Variants in MAP4K3 observed in about 807,000 individuals in gnomAD.
MAP4K3 encodes MAPK/ERK kinase kinase kinase 3.
A neutral mutation model predicts 143.5 loss-of-function variants in MAP4K3; 94 were observed. The observed-to-expected ratio is 0.65, with a 90% CI of 0.55 to 0.78. MAP4K3 has a LOEUF of 0.78. Among genes scored for constraint, MAP4K3 ranks in the 30% least tolerant of loss-of-function variants. The pLI is 0.00. For synonymous variants in MAP4K3, 416 were observed against 347.2 expected, an observed-to-expected ratio of 1.20 and a Z score of -2.20; for missense variants, 1,077 against 1,068.1, an observed-to-expected ratio of 1.01 and a Z score of -0.12.
At chr2:39,260,905 A>G (rs1313233957) in intron 28 of MAP4K3, 128 bp from the exon 29 acceptor site, 9 of 640,018 alleles carry the variant, frequency 1.4e-5, no homozygotes, top group Non-Finnish European at 2.4e-5. Flanking sequence ...TAATGCAGAA[A>G]AATCTAAATT....
chr2:39,286,700 T>C (rs1473091371), intron 21 of MAP4K3, 152 bp downstream of exon 21: 2 of 393,628 alleles, frequency 5.1e-6, no homozygotes, highest in Non-Finnish European at 8.8e-6. Flanking sequence ...ATTTAAATAA[T>C]CTATTCACCA....
At chr2:39,278,330 G>C (rs1374145508) in intron 24 of MAP4K3, 77 bp downstream of exon 24, 1 of 785,852 alleles carries the variant, frequency 1.3e-6, no homozygotes, top group African/African-American at 1.8e-5. Flanking sequence ...TCATGAAACT[G>C]AACCTTATTT....
chr2:39,284,835 C>G (rs1681693724), intron 21 of MAP4K3, among the ~76,000 whole-genome samples: 1 of 151,652 alleles, frequency 6.6e-6, no homozygotes, highest in Non-Finnish European at 1.5e-5. Flanking sequence ...CAGAGCGAGA[C>G]TCCATCTCAA....
chr2:39,415,902 G>A (rs1667355600), intron 1 of MAP4K3, among the ~76,000 whole-genome samples: 1 of 125,804 alleles, frequency 7.9e-6, no homozygotes, highest in Non-Finnish European at 1.6e-5. Flanking sequence ...GCAGTGAGTC[G>A]AGATCGCACC....
chr2:39,264,384 C>T (rs1479642571), intron 28 of MAP4K3, among the ~76,000 whole-genome samples: 1 of 152,062 alleles, frequency 6.6e-6, no homozygotes, highest in Non-Finnish European at 1.5e-5. Flanking sequence ...TCTGTTTAGC[C>T]CTAGTGAATC....
chr2:39,293,119 T>G (rs2148480849), intron 17 of MAP4K3, 111 bp downstream of exon 17: 1 of 827,366 alleles, frequency 1.2e-6, no homozygotes, highest in Non-Finnish European at 2.0e-6. Flanking sequence ...CCTATCTCTA[T>G]TAAAGAAAAA....
At chr2:39,314,716 T>A (rs1192709129) in intron 13 of MAP4K3, among the ~76,000 whole-genome samples, 1 of 152,234 alleles carries the variant, frequency 6.6e-6, no homozygotes. Context: ...CCCATGTGAA[T>A]GAATGGCTTG....
chr2:39,343,886 A>C (rs1356736824), intron 3 of MAP4K3, among the ~76,000 whole-genome samples: 2 of 152,194 alleles, frequency 1.3e-5, no homozygotes, highest in African/African-American at 4.8e-5. Context: ...GATTTTCCCA[A>C]AACAGTCTTA....
rs530184637 is a variant in MAP4K3, at chr2:39,402,970, T to C, written c.97-24847A>G. ...ACTTGGATGAAATGAATACATTCTT[T>C]GAAAGACACAAACTACCAAATCTCA... On this transcript the variant is annotated intron_variant, in intron 1 of 33. Coordinates refer to ENST00000263881, the MANE Select transcript of MAP4K3 (RefSeq NM_003618.4). Among the ~76,000 whole-genome samples, 149 of 152,260 alleles carry C rather than the reference T, an allele frequency of 9.8e-4. 1 individual carries two copies. Among genetic ancestry groups the C allele is most frequent in the African/African-American group, 3.3e-3 (137 of 41,548 alleles).
chr2:39,364,759 T>C (rs1292045266), intron 2 of MAP4K3, among the ~76,000 whole-genome samples: 5 of 151,780 alleles, frequency 3.3e-5, no homozygotes, highest in South Asian at 2.1e-4. Context: ...TCCCAGCTAC[T>C]TGGGAGGCTG....
chr2:39,366,088 G>A (rs1441260345), intron 2 of MAP4K3, among the ~76,000 whole-genome samples: 1 of 152,140 alleles, frequency 6.6e-6, no homozygotes, highest in African/African-American at 2.4e-5. Flanking sequence ...GATTTATTCT[G>A]AGCCAAATAT....
Position 39,272,475 on chromosome 2 carries a change from T to C in MAP4K3, c.1855+7A>G, listed in dbSNP as rs770542714. 4 of 1,609,356 alleles carry C rather than the reference T, an allele frequency of 2.5e-6. No individual in the cohort carries two copies. The highest frequency in any genetic ancestry group is 3.3e-5 in the Admixed American group (2 of 59,998). On this transcript the variant is annotated splice_region_variant and intron_variant, in intron 25 of 33. Transcript: ENST00000263881. The stretch of plus-strand genomic sequence containing the variant: ...ATTGTAAGGTATTTAAAAACTAATA[T>C]ACTTACCAGATATTGATAGCAAGCA...
chr2:39,337,325 A>G (rs1041256075), intron 5 of MAP4K3, among the ~76,000 whole-genome samples: 1 of 152,168 alleles, frequency 6.6e-6, no homozygotes, highest in Non-Finnish European at 1.5e-5. Context: ...ATTTTAGGTT[A>G]TATCATCACA....
At chr2:39,393,152 G>A (rs1388282892) in intron 1 of MAP4K3, among the ~76,000 whole-genome samples, 9 of 152,174 alleles carry the variant, frequency 5.9e-5, no homozygotes, top group African/African-American at 2.2e-4. Flanking sequence ...TTGAGTTGGA[G>A]AAACTGATTA....
At chr2:39,364,892 G>T (rs1211985005) in intron 2 of MAP4K3, among the ~76,000 whole-genome samples, 1 of 151,024 alleles carries the variant, frequency 6.6e-6, no homozygotes, top group Non-Finnish European at 1.5e-5. Context: ...AAAGATAATG[G>T]GTAGCAGAGA....
intron 5 of MAP4K3, 121 bp downstream of exon 5, chr2:39,337,405 C>T: frequency 1.6e-6 from 1 of 615,336 alleles, no homozygotes; most frequent in Non-Finnish European, 2.8e-6. Flanking sequence ...TGTATTAAAA[C>T]TCATTTTAAG....
intron 1 of MAP4K3, among the ~76,000 whole-genome samples, chr2:39,420,855 C>T (rs994544889): frequency 2.0e-5 from 3 of 152,170 alleles, no homozygotes; most frequent in East Asian, 1.9e-4. Flanking sequence ...TCCCTCTTGA[C>T]GATATTTCCC....
At chr2:39,391,548 T>C (rs1309955136) in intron 1 of MAP4K3, among the ~76,000 whole-genome samples, 1 of 152,012 alleles carries the variant, frequency 6.6e-6, no homozygotes, top group East Asian at 1.9e-4. Flanking sequence ...CTCCCCAATT[T>C]AATAGAAAAT....
intron 2 of MAP4K3, among the ~76,000 whole-genome samples, chr2:39,365,097 G>C (rs2148563474): frequency 6.6e-6 from 1 of 152,096 alleles, no homozygotes; most frequent in East Asian, 1.9e-4. Context: ...ATATATCAAA[G>C]AAATATACTT....
Sources: allele counts gnomAD v4.1 joint callset (sites outside exome capture counted in the v4.1 genomes callset), GRCh38; gene constraint gnomAD v4.1.1; transcripts MANE v1.5; gene names NCBI Gene and HGNC (gene_info 2026-07-23, HGNC 2026-07-21).